The following ADRA1A variants were observed in gnomAD, a reference collection of about 807,000 sequenced individuals.
The protein encoded by ADRA1A is adrenoceptor alpha 1A, also known as alpha-1A adrenergic receptor.
Under a neutral mutation model 29.6 loss-of-function variants are expected in ADRA1A, and 31 were observed. That is an observed-to-expected ratio of 1.05 (90% CI 0.79 to 1.41). The LOEUF (loss-of-function observed/expected upper bound fraction) is 1.41. Among genes scored for constraint, ADRA1A ranks in the 40% most tolerant of loss-of-function variants. ADRA1A has a pLI of 0.00. For missense variants in ADRA1A, 619 were observed against 601.1 expected, an observed-to-expected ratio of 1.03 and a Z score of -0.31; for synonymous variants, 311 against 254.3, an observed-to-expected ratio of 1.22 and a Z score of -2.12.
In ADRA1A at chr8:26,864,409, G is replaced by A; in HGVS notation, c.561C>T (p.Phe187=). ...QINEEPGYVL[F]SALGSFYLPL... ...GCAGGTAGAAGGAGCCCAGCGCTGA[G>A]AAGAGCACGTAGCCCGGCTCCTCGT... The change falls in exon 2 of 3, where the codon TTC becomes TTT. Residue 187 remains phenylalanine (F), a synonymous_variant. Transcript: ENST00000380573. This position sits in a 1 kb window ranked among gnomAD's most constrained non-coding sequence, Gnocchi z 8.1. 1 of 1,613,618 alleles carries A rather than the reference G, an allele frequency of 6.2e-7. No homozygotes were observed. The highest frequency in any genetic ancestry group is 8.5e-7 in the Non-Finnish European group (1 of 1,180,026).
At chr8:26,762,728 T>C (rs190938743), downstream of ADRA1A, among the ~76,000 whole-genome samples, 1 of 152,256 alleles carries the variant, frequency 6.6e-6, no homozygotes, top group Non-Finnish European at 1.5e-5. This position sits in a 1 kb window ranked among gnomAD's most constrained non-coding sequence, Gnocchi z 4.0. Context: ...ATGGCCTCAG[T>C]ATTTCCAGGT....
Position 26,848,728 on chromosome 8 carries a change from C to G in ADRA1A, c.883+15359G>C, listed in dbSNP as rs1224004719. Among the ~76,000 whole-genome samples, 1 of 152,166 alleles carries G rather than the reference C, an allele frequency of 6.6e-6. No homozygotes were observed. The highest frequency in any genetic ancestry group is 2.4e-5 in the African/African-American group (1 of 41,440). On this transcript the variant is annotated intron_variant, in intron 2 of 2. Transcript: ENST00000380573. The surrounding 1 kb of genome is among the most constrained non-coding windows in gnomAD (Gnocchi z 4.3). ...ACTTCTTCTTTCCTAGGAAAAGAGTCATTAAACTCTACACGTTTCACACAA... is the reference window on the plus strand; with the variant it reads ...ACTTCTTCTTTCCTAGGAAAAGAGTGATTAAACTCTACACGTTTCACACAA...
At position 26,821,786 on chromosome 8, in the gene ADRA1A, T is replaced by G. The variant is rs1339966410; in HGVS notation, c.883+42301A>C. Among the ~76,000 whole-genome samples, 1 of 152,232 alleles carries G rather than the reference T, an allele frequency of 6.6e-6. No individual in the cohort carries two copies. The highest frequency in any genetic ancestry group is 2.4e-5 in the African/African-American group (1 of 41,458). ...CCCGATCTTCACTCCTGGAAATCAC[T>G]AATCTGTTCTCTATTTCTATAATTT... On this transcript the variant is annotated intron_variant, in intron 2 of 2. Coordinates refer to ENST00000380573, the MANE Select transcript of ADRA1A (RefSeq NM_000680.4). This position sits in a 1 kb window ranked among gnomAD's most constrained non-coding sequence, Gnocchi z 5.6.
chr8:26,795,191 A>C (rs1808109560), intron 2 of ADRA1A, among the ~76,000 whole-genome samples: 1 of 152,060 alleles, frequency 6.6e-6, no homozygotes, highest in Non-Finnish European at 1.5e-5. Flanking sequence ...ACTTATTGCT[A>C]CTGGTCAGGT....
In ADRA1A at chr8:26,815,443, C is replaced by G. The variant is rs1809688307; in HGVS notation, c.884-44777G>C. Among the ~76,000 whole-genome samples, 1 of 152,204 alleles carries G rather than the reference C, an allele frequency of 6.6e-6. No individual in the cohort carries two copies. The highest frequency in any genetic ancestry group is 6.5e-5 in the Admixed American group (1 of 15,284). Reference sequence around the variant, plus strand: ...CTAAGTATTAATGTAACACTGATTTCAAGCTACCTTATGGGATTTGTTGGT... The same window carrying G: ...CTAAGTATTAATGTAACACTGATTTGAAGCTACCTTATGGGATTTGTTGGT... On this transcript the variant is annotated intron_variant, in intron 2 of 2. Coordinates refer to ENST00000380573, the MANE Select transcript of ADRA1A (RefSeq NM_000680.4). This position sits in a 1 kb window ranked among gnomAD's most constrained non-coding sequence, Gnocchi z 4.2.
intron 2 of ADRA1A, chr8:26,779,524 GA>G: frequency 1.6e-6 from 1 of 614,172 alleles, no homozygotes; most frequent in Non-Finnish European, 2.9e-6. Context: ...GTCAAAAGGG[GA>G]AAACAGCCCA....
rs1029662965 is a variant in ADRA1A at position 26,815,349 on chromosome 8, C to T, written c.884-44683G>A. ...TCTTTTACATGCATGGTTAGGTTTG[C>T]AAGATAGTAAAATTTTTCCAAGGGA... On this transcript the variant is annotated intron_variant, in intron 2 of 2. Transcript: ENST00000380573. This position sits in a 1 kb window ranked among gnomAD's most constrained non-coding sequence, Gnocchi z 4.2. Among the ~76,000 whole-genome samples, 1 of 152,086 alleles carries T rather than the reference C, an allele frequency of 6.6e-6. No homozygotes were observed. The highest frequency in any genetic ancestry group is 6.5e-5 in the Admixed American group (1 of 15,278).
downstream of ADRA1A, among the ~76,000 whole-genome samples, chr8:26,765,152 C>A (rs977997705): frequency 1.3e-5 from 2 of 152,214 alleles, no homozygotes; most frequent in Non-Finnish European, 2.9e-5. Flanking sequence ...TCCTAAACCC[C>A]TCTAACCCCA....
intron 2 of ADRA1A, among the ~76,000 whole-genome samples, chr8:26,846,013 T>C (rs1279905371): frequency 1.3e-5 from 2 of 152,186 alleles, no homozygotes; most frequent in Non-Finnish European, 2.9e-5. Context: ...TTGGATAACA[T>C]TGCGAATGTA....
Position 26,770,580 on chromosome 8 carries a change from T to C in ADRA1A, c.970A>G (p.Ile324Val). Residue 324 changes from isoleucine to valine, a missense_variant, in exon 3 of 3, where the codon ATC becomes GTC. Ile to Val is a conservative substitution (Grantham distance 29). Coordinates refer to ENST00000380573, the MANE Select transcript of ADRA1A (RefSeq NM_000680.4). ...TCTTGGCTGGAGCATGGGTATATGA[T>C]GGGGTTGATGCAGCTGTTTAGATAT... is the stretch of plus-strand genomic sequence containing the variant. ...LGYLNSCINP[I>V]IYPCSSQEFK... The C allele has an allele frequency of 1.9e-6, 3 of 1,614,190 alleles. No homozygotes were observed. The highest frequency in any genetic ancestry group is 1.7e-6 in the Non-Finnish European group (2 of 1,180,032).
chr8:26,770,119 T>A lies in ADRA1A; in HGVS notation c.*30A>T, dbSNP rs759221908. The A allele has an allele frequency of 3.9e-6, 6 of 1,522,134 alleles. No homozygotes were observed. Among genetic ancestry groups the A allele is most frequent in the Admixed American group, 2.2e-5 (1 of 45,978 alleles). 94.3% of individuals were successfully genotyped at this position (1,522,134 alleles called of 1,614,324 possible). ...AGGAAGTGGGGTGGGTACCTAAGATTATTCCCCTTTCCTCTGCATCTTTCC... is the reference window on the plus strand; with the variant it reads ...AGGAAGTGGGGTGGGTACCTAAGATAATTCCCCTTTCCTCTGCATCTTTCC... On this transcript the variant is annotated 3_prime_UTR_variant, in exon 3 of 3. Transcript: ENST00000380573.
chr8:26,861,303 G>GTTT (rs35538353), intron 2 of ADRA1A, among the ~76,000 whole-genome samples: 9,863 of 119,270 alleles, frequency 0.083, 894 homozygotes, highest in African/African-American at 0.11. Flanking sequence ...CAGAGGCTCT[G>GTTT]TTTTTTTTTT....
At chr8:26,854,796 C>A (rs1248207125) in intron 2 of ADRA1A, 1 of 152,442 alleles carries the variant, frequency 6.6e-6, no homozygotes, top group Non-Finnish European at 1.5e-5. Flanking sequence ...TCTGAAAGGC[C>A]CTGTGCTGTG....
chr8:26,761,743 G>A (rs1805515318), downstream of ADRA1A, among the ~76,000 whole-genome samples: 1 of 152,198 alleles, frequency 6.6e-6, no homozygotes, highest in South Asian at 2.1e-4. Context: ...ACAAATGCAT[G>A]GAGCTGTGCT....
At chr8:26,748,400 A>G (rs1804781432) in exon 3 of ADRA1A, 1 of 169,106 alleles carries the variant, frequency 5.9e-6, no homozygotes, top group African/African-American at 2.4e-5. Context: ...GCTTCTGAGC[A>G]AGATTTCATC....
chr8:26,802,730 C>T (rs1908647), intron 2 of ADRA1A, among the ~76,000 whole-genome samples: 1 of 152,040 alleles, frequency 6.6e-6, no homozygotes, highest in Non-Finnish European at 1.5e-5. Flanking sequence ...AGGTATATAC[C>T]TAAAATAAAG....
chr8:26,799,391 T>C (rs935486991), intron 2 of ADRA1A, among the ~76,000 whole-genome samples: 1 of 152,170 alleles, frequency 6.6e-6, no homozygotes, highest in African/African-American at 2.4e-5. Flanking sequence ...GGGTGAAATT[T>C]GCAAGGCAAG....
chr8:26,779,197 G>A, intron 2 of ADRA1A: 1 of 648,774 alleles, frequency 1.5e-6, no homozygotes, highest in Non-Finnish European at 2.8e-6. Context: ...AGTGCAAGAT[G>A]GGAGCAGGAA....
In ADRA1A at chr8:26,841,018, A is replaced by C. The variant is rs1325172775; in HGVS notation, c.883+23069T>G. Among the ~76,000 whole-genome samples, 1 of 152,178 alleles carries C rather than the reference A, an allele frequency of 6.6e-6. No individual in the cohort carries two copies. The highest frequency in any genetic ancestry group is 2.4e-5 in the African/African-American group (1 of 41,436). Reference sequence around the variant, plus strand: ...GAAGACTACAGAGGACATTAAGGGCACCAGAGGGAACAGGTTCAATTTCTA... The same window carrying C: ...GAAGACTACAGAGGACATTAAGGGCCCCAGAGGGAACAGGTTCAATTTCTA... On this transcript the variant is annotated intron_variant, in intron 2 of 2. Transcript: ENST00000380573. This position sits in a 1 kb window ranked among gnomAD's most constrained non-coding sequence, Gnocchi z 4.4.
Sources: allele counts gnomAD v4.1 joint callset (sites outside exome capture counted in the v4.1 genomes callset), GRCh38; gene constraint gnomAD v4.1.1; non-coding constraint Gnocchi (gnomAD v3.1); transcripts MANE v1.5; gene names NCBI Gene and HGNC (gene_info 2026-07-23, HGNC 2026-07-21).